Variants in IQGAP1 observed in about 807,000 individuals in gnomAD.
The protein encoded by IQGAP1 is ras GTPase-activating-like protein IQGAP1.
IQGAP1 carries 66 observed loss-of-function variants against 215.6 expected under a neutral mutation model. The observed-to-expected ratio is 0.31, with a 90% CI of 0.25 to 0.38. The LOEUF (loss-of-function observed/expected upper bound fraction) is 0.38, where lower values mean the gene tolerates loss of function less well. Among genes scored for constraint, IQGAP1 ranks in the 10% least tolerant of loss-of-function variants. The pLI, the probability that IQGAP1 is intolerant of heterozygous loss-of-function variation, is 1.00. For synonymous variants in IQGAP1, 772 were observed against 728.7 expected (o/e 1.06, Z -0.96); for missense variants, 1,712 against 1,997.1 (o/e 0.86, Z 2.72).
chr15:90,477,622 T>C (rs150123942), intron 25 of IQGAP1, 43 bp from the exon 26 acceptor site: 1 of 1,367,626 alleles, frequency 7.3e-7, no homozygotes, highest in African/African-American at 1.4e-5. Context: ...TTTAAGTTGA[T>C]GGGTTTTGTG....
chr15:90,489,535 C>G (rs183330548), intron 33 of IQGAP1, among the ~76,000 whole-genome samples: 1 of 152,062 alleles, frequency 6.6e-6, no homozygotes, highest in Non-Finnish European at 1.5e-5. Flanking sequence ...AGCTAAAAGC[C>G]CAGTATATAG....
At chr15:90,480,498 A>G (rs1408103594) in intron 26 of IQGAP1, among the ~76,000 whole-genome samples, 1 of 152,212 alleles carries the variant, frequency 6.6e-6, no homozygotes, top group Non-Finnish European at 1.5e-5. Context: ...TAAAACTCAT[A>G]TAAATAATAA....
intron 29 of IQGAP1, among the ~76,000 whole-genome samples, chr15:90,483,994 A>G (rs1455456849): frequency 6.6e-6 from 1 of 152,188 alleles, no homozygotes; most frequent in African/African-American, 2.4e-5. Flanking sequence ...TCATGGTGCA[A>G]TGGTTCTTAT....
rs775900282 is a variant in IQGAP1 at position 90,491,351 on chromosome 15, G to A, written c.4267G>A (p.Ala1423Thr). Reference sequence around the variant, plus strand: ...TCCGTAGGAAGCAGAACATCAGAGAGCCATGCAGAGACGTGCTATCCGTGA... The same window carrying A: ...TCCGTAGGAAGCAGAACATCAGAGAACCATGCAGAGACGTGCTATCCGTGA... ...TSEQEAEHQR[A>T]MQRRAIRDAK... Residue 1423 changes from alanine to threonine, a missense_variant, in exon 34 of 38, where the codon GCC becomes ACC. Transcript: ENST00000268182. The A allele has an allele frequency of 1.9e-6, 3 of 1,614,046 alleles. No homozygotes were observed. The highest frequency in any genetic ancestry group is 2.2e-5 in the South Asian group (2 of 91,086).
chr15:90,472,683 A>G (rs1965922339), intron 18 of IQGAP1, among the ~76,000 whole-genome samples, 157 bp from the exon 19 acceptor site: 1 of 151,596 alleles, frequency 6.6e-6, no homozygotes, highest in African/African-American at 2.4e-5. Context: ...GTCCTAAAAA[A>G]CAGACCTGAG....
At chr15:90,436,486 G>C (rs569320660) in intron 5 of IQGAP1, among the ~76,000 whole-genome samples, 8 of 152,244 alleles carry the variant, frequency 5.3e-5, no homozygotes, top group African/African-American at 1.7e-4. Flanking sequence ...AATAATCTTT[G>C]AGATTGGCAT....
At chr15:90,390,441 A>C (rs1964619697) in intron 1 of IQGAP1, among the ~76,000 whole-genome samples, 1 of 152,260 alleles carries the variant, frequency 6.6e-6, no homozygotes, top group Non-Finnish European at 1.5e-5. Flanking sequence ...TTAATAAAAG[A>C]GGGAAACAAT....
intron 15 of IQGAP1, among the ~76,000 whole-genome samples, chr15:90,465,503 T>C (rs1477294570): frequency 1.3e-5 from 2 of 152,128 alleles, no homozygotes; most frequent in Admixed American, 6.6e-5. Context: ...CCTTATCTTA[T>C]GACCTTTACC....
At position 90,487,542 on chromosome 15, in the gene IQGAP1, C is replaced by T; in HGVS notation, c.4208C>T (p.Thr1403Ile). Residue 1403 changes from threonine to isoleucine, a missense_variant, in exon 33 of 38, where the codon ACC becomes ATC. Physicochemically the swap from Thr to Ile is moderately conservative, Grantham distance 89. This residue lies in a region of IQGAP1 where 691 missense variants were observed against 923.0 expected (regional missense o/e 0.75). Coordinates refer to ENST00000268182, the MANE Select transcript of IQGAP1 (RefSeq NM_003870.4). ...GTCATCCGGTTCCAGCCAGGAGAGA[C>T]CTTGACTGAAATCCTAGAAACACCA... is the stretch of plus-strand genomic sequence containing the variant. ...VDVIRFQPGE[T>I]LTEILETPAT... 6.2e-7 allele frequency: 1 copy of T among 1,614,006 alleles called. No individual in the cohort carries two copies. The highest frequency in any genetic ancestry group is 8.5e-7 in the Non-Finnish European group (1 of 1,179,932).
chr15:90,486,228 CTG>C, intron 31 of IQGAP1, 96 bp downstream of exon 31: 1 of 708,406 alleles, frequency 1.4e-6, no homozygotes. Context: ...ATACCAAACT[CTG>C]GATATACATT....
intron 8 of IQGAP1, 100 bp from the exon 9 acceptor site, chr15:90,443,294 A>T: frequency 1.4e-6 from 1 of 705,386 alleles, no homozygotes; most frequent in South Asian, 1.7e-5. Context: ...CTACACCCAT[A>T]TTCTTGGTAG....
intron 2 of IQGAP1, among the ~76,000 whole-genome samples, chr15:90,405,889 G>A (rs1282301538): frequency 6.6e-6 from 1 of 151,880 alleles, no homozygotes; most frequent in Non-Finnish European, 1.5e-5. Context: ...TTTGGGAGAT[G>A]TTCATGGTCA....
Position 90,472,925 on chromosome 15 carries a change from G to T in IQGAP1, c.2264G>T (p.Arg755Leu). 2.5e-6 allele frequency: 4 copies of T among 1,613,906 alleles called. No individual in the cohort carries two copies. The highest frequency in any genetic ancestry group is 1.3e-5 in the African/African-American group (1 of 74,980). ...GGCCTGATCACCAGGCTGCAGGCTC[G>T]CTGCCGTGGATACTTAGTTCGACAG... is the stretch of plus-strand genomic sequence containing the variant. ...NEGLITRLQARCRGYLVRQEF... is the reference protein window; with the variant it reads ...NEGLITRLQALCRGYLVRQEF... The change falls in exon 19 of 38, where the codon CGC becomes CTC. Residue 755 changes from arginine (R) to leucine (L), a missense_variant. Coordinates refer to ENST00000268182, the MANE Select transcript of IQGAP1 (RefSeq NM_003870.4).
At chr15:90,388,566 T>TTC (rs1964586113) in intron 1 of IQGAP1, among the ~76,000 whole-genome samples, 170 bp downstream of exon 1, 2 of 151,880 alleles carry the variant, frequency 1.3e-5, no homozygotes, top group Admixed American at 1.3e-4. Context: ...AGGCCCCTGG[T>TTC]TCGCGCCCCC....
intron 2 of IQGAP1, among the ~76,000 whole-genome samples, chr15:90,425,099 C>G (rs1361368647): frequency 2.0e-5 from 3 of 152,062 alleles, no homozygotes; most frequent in Non-Finnish European, 4.4e-5. Context: ...CACTTGAGGT[C>G]AGGAGTTTGA....
At chr15:90,417,488 G>C (rs60778689) in intron 2 of IQGAP1, among the ~76,000 whole-genome samples, 1 of 151,908 alleles carries the variant, frequency 6.6e-6, no homozygotes, top group African/African-American at 2.4e-5. Context: ...TTCTTGTTTT[G>C]GTCAGGTTTG....
Position 90,441,673 on chromosome 15 carries a change from G to A in IQGAP1, c.817G>A (p.Ala273Thr), listed in dbSNP as rs143921317. 1.9e-6 allele frequency: 3 copies of A among 1,600,804 alleles called. No homozygotes were observed. The African/African-American group carries it at 4.0e-5, about 22-fold the overall frequency. Residue 273 changes from alanine (A) to threonine (T), a missense_variant, in exon 8 of 38, where the codon GCT (alanine) becomes ACT (threonine). This residue lies in a region of IQGAP1 where 1,021 missense variants were observed against 1,074.2 expected (regional missense o/e 0.95). Coordinates refer to ENST00000268182, the MANE Select transcript of IQGAP1 (RefSeq NM_003870.4). ...YQAKQDKMTN[A>T]KNRTENSERE... Reference sequence around the variant, plus strand: ...GGCTAAGCAGGACAAAATGACAAATGCTAAAAACAGGGTAAAAATGCAACA... The same window carrying A: ...GGCTAAGCAGGACAAAATGACAAATACTAAAAACAGGGTAAAAATGCAACA...
chr15:90,437,020 A>G (rs569471706), intron 5 of IQGAP1, among the ~76,000 whole-genome samples: 141 of 152,336 alleles, frequency 9.3e-4, no homozygotes, highest in Middle Eastern at 6.8e-3. Flanking sequence ...AGACTGGGTA[A>G]TTCATAAAGA....
At chr15:90,423,507 A>C (rs942106097) in intron 2 of IQGAP1, among the ~76,000 whole-genome samples, 1 of 152,234 alleles carries the variant, frequency 6.6e-6, no homozygotes, top group African/African-American at 2.4e-5. Flanking sequence ...TGCTGGGATT[A>C]CAGGTGTGAG....
Sources: allele counts gnomAD v4.1 joint callset (sites outside exome capture counted in the v4.1 genomes callset), GRCh38; gene constraint gnomAD v4.1.1; regional missense constraint gnomAD v4.1.1; transcripts MANE v1.5; gene names NCBI Gene and HGNC (gene_info 2026-07-23, HGNC 2026-07-21).